CNTNAP2: variants seen among roughly 807,000 people sequenced by gnomAD.
CNTNAP2 encodes the protein contactin-associated protein-like 2.
Under a neutral mutation model 155.2 loss-of-function variants are expected in CNTNAP2, and 98 were observed. The observed-to-expected ratio is 0.63, with a 90% confidence interval of 0.54 to 0.75. CNTNAP2 has a LOEUF of 0.75. Among genes scored for constraint, CNTNAP2 ranks in the 30% least tolerant of loss-of-function variants. The pLI is 0.00. For synonymous variants in CNTNAP2, 651 were observed against 631.2 expected, an observed-to-expected ratio of 1.03 and a Z score of -0.47; for missense variants, 1,727 against 1,688.1, an observed-to-expected ratio of 1.02 and a Z score of -0.40.
intron 1 of CNTNAP2, among the ~76,000 whole-genome samples, chr7:146,248,186 G>A (rs1359014031): frequency 6.6e-6 from 1 of 152,020 alleles, no homozygotes; most frequent in African/African-American, 2.4e-5. Flanking sequence ...GGAAATAAGG[G>A]ATCGAGGCGC....
At chr7:146,439,888 C>T (rs1265384408) in intron 1 of CNTNAP2, among the ~76,000 whole-genome samples, 1 of 151,550 alleles carries the variant, frequency 6.6e-6, no homozygotes, top group Non-Finnish European at 1.5e-5. Flanking sequence ...CTTTGGGAGG[C>T]CTACGCCAGT....
chr7:147,735,685 G>T (rs11977051), intron 13 of CNTNAP2, among the ~76,000 whole-genome samples: 24,540 of 152,128 alleles, frequency 0.16, 3,562 homozygotes, highest in African/African-American at 0.4. Context: ...CGAAAGACTT[G>T]CTTTATCAAT....
chr7:146,392,289 A>G (rs146903224), intron 1 of CNTNAP2, among the ~76,000 whole-genome samples: 3 of 152,300 alleles, frequency 2.0e-5, no homozygotes, highest in African/African-American at 4.8e-5. Flanking sequence ...TTTCTGTAAT[A>G]TTATCTTCAT....
At chr7:146,369,606 A>C (rs6969819) in intron 1 of CNTNAP2, among the ~76,000 whole-genome samples, 40,816 of 152,080 alleles carry the variant, frequency 0.27, 6,705 homozygotes, top group Admixed American at 0.42. Context: ...CTGAATGATG[A>C]AAAATAGTAA....
intron 1 of CNTNAP2, among the ~76,000 whole-genome samples, chr7:146,734,991 C>A (rs941593349): frequency 6.6e-6 from 1 of 151,988 alleles, no homozygotes; most frequent in Admixed American, 6.6e-5. Context: ...AGAAAGAAAT[C>A]CAGATGTTTA....
At chr7:146,581,708 A>T (rs1798613672) in intron 1 of CNTNAP2, among the ~76,000 whole-genome samples, 1 of 151,768 alleles carries the variant, frequency 6.6e-6, no homozygotes, top group Admixed American at 6.6e-5. Flanking sequence ...TTACTTAGAG[A>T]CATTTTTCAT....
intron 3 of CNTNAP2, among the ~76,000 whole-genome samples, chr7:146,967,569 C>A (rs538252283): frequency 2.0e-5 from 3 of 152,280 alleles, no homozygotes; most frequent in Non-Finnish European, 4.4e-5. Context: ...CTCTTTGAAG[C>A]AATTGTGAAT....
At chr7:147,623,460 C>T (rs997335092) in intron 12 of CNTNAP2, among the ~76,000 whole-genome samples, 21 of 151,972 alleles carry the variant, frequency 1.4e-4, no homozygotes, top group Middle Eastern at 3.4e-3. Flanking sequence ...TATATGCTAA[C>T]AATGAGCAAT....
intron 12 of CNTNAP2, among the ~76,000 whole-genome samples, chr7:147,580,760 C>T (rs1276643896): frequency 2.0e-5 from 3 of 151,996 alleles, no homozygotes; most frequent in Non-Finnish European, 4.4e-5. Flanking sequence ...GGACTACAGG[C>T]ATGTGCCACC....
At chr7:146,497,742 C>T (rs1396800794) in intron 1 of CNTNAP2, among the ~76,000 whole-genome samples, 2 of 150,578 alleles carry the variant, frequency 1.3e-5, no homozygotes, top group African/African-American at 4.9e-5. Context: ...TTTATTCTAA[C>T]ATGTATCTAT....
chr7:147,666,141 C>T (rs892802188), intron 13 of CNTNAP2, among the ~76,000 whole-genome samples: 1 of 152,112 alleles, frequency 6.6e-6, no homozygotes, highest in Non-Finnish European at 1.5e-5. Context: ...TTTAGCAAAA[C>T]AATCAGAAAT....
chr7:146,697,589 G>GA (rs1251683569), intron 1 of CNTNAP2, among the ~76,000 whole-genome samples: 1 of 152,170 alleles, frequency 6.6e-6, no homozygotes, highest in African/African-American at 2.4e-5. Flanking sequence ...TGCTTTGTCT[G>GA]AAATTTATAT....
chr7:146,913,333 CA>C (rs750849811), intron 3 of CNTNAP2, among the ~76,000 whole-genome samples: 9 of 152,016 alleles, frequency 5.9e-5, no homozygotes, highest in Non-Finnish European at 1.0e-4. Context: ...ACTGGAATGC[CA>C]AGCTAAGGGG....
At chr7:146,491,635 G>A (rs1797141166) in intron 1 of CNTNAP2, among the ~76,000 whole-genome samples, 1 of 152,138 alleles carries the variant, frequency 6.6e-6, no homozygotes, top group African/African-American at 2.4e-5. Flanking sequence ...TAGAGAGGAT[G>A]CCAGGCACCC....
intron 11 of CNTNAP2, among the ~76,000 whole-genome samples, chr7:147,519,023 CA>C (rs149054741): frequency 0.12 from 12,194 of 102,128 alleles, 639 homozygotes; most frequent in East Asian, 0.23. Context: ...GACTCTGTCT[CA>C]AAAAAAAAAA....
chr7:146,995,593 T>C (rs1584772617), intron 3 of CNTNAP2, among the ~76,000 whole-genome samples: 1 of 152,234 alleles, frequency 6.6e-6, no homozygotes, highest in African/African-American at 2.4e-5. Context: ...ATAATGATAT[T>C]GAACATTTTT....
intron 1 of CNTNAP2, among the ~76,000 whole-genome samples, chr7:146,124,827 T>A (rs1375908133): frequency 3.3e-5 from 5 of 152,204 alleles, no homozygotes; most frequent in Non-Finnish European, 7.3e-5. Context: ...CTGCCATCAA[T>A]ACTAATGTTA....
chr7:146,161,113 C>A (rs1403349870), intron 1 of CNTNAP2, among the ~76,000 whole-genome samples: 3 of 152,176 alleles, frequency 2.0e-5, no homozygotes, highest in African/African-American at 7.2e-5. Context: ...ACGTTTATCT[C>A]AATAGATGCA....
intron 3 of CNTNAP2, among the ~76,000 whole-genome samples, chr7:146,944,867 G>C (rs980851031): frequency 2.0e-5 from 3 of 150,980 alleles, no homozygotes; most frequent in African/African-American, 7.3e-5. Context: ...GACAGTGCGA[G>C]ACTCCGTCTA....
Sources: gnomAD v4.1 joint callset for allele counts (sites outside exome capture counted in the v4.1 genomes callset) on GRCh38, gnomAD v4.1.1 for gene constraint, MANE v1.5 for transcripts, NCBI Gene and HGNC (gene_info 2026-07-23, HGNC 2026-07-21) for gene names.